OPCML: variants seen among roughly 807,000 people sequenced by gnomAD.
The protein encoded by OPCML is opioid binding protein/cell adhesion molecule like, also known as opioid-binding protein/cell adhesion molecule.
In OPCML, 13 loss-of-function variants were observed where a neutral mutation model predicts 37.8. That is an observed-to-expected ratio of 0.34 (90% CI 0.22 to 0.55). The LOEUF (loss-of-function observed/expected upper bound fraction) is 0.55. Among genes scored for constraint, OPCML ranks in the 20% least tolerant of loss-of-function variants. The pLI is 0.91. For missense variants in OPCML, 341 were observed against 435.6 expected (o/e 0.78, Z 1.93); for synonymous variants, 176 against 168.8 (o/e 1.04, Z -0.33).
intron 1 of OPCML, among the ~76,000 whole-genome samples, chr11:133,321,712 T>C (rs1943334322): frequency 1.3e-5 from 2 of 152,186 alleles, no homozygotes; most frequent in South Asian, 2.1e-4. Flanking sequence ...TTAATGCACA[T>C]TAGCTATTGA....
chr11:132,499,832 C>A (rs991050522), intron 4 of OPCML, among the ~76,000 whole-genome samples: 1 of 152,206 alleles, frequency 6.6e-6, no homozygotes. Context: ...AGGAAGTTAA[C>A]ATCACGGTAT....
chr11:133,229,608 G>T (rs1056005514), intron 1 of OPCML, among the ~76,000 whole-genome samples: 1 of 151,796 alleles, frequency 6.6e-6, no homozygotes, highest in Admixed American at 6.6e-5. Flanking sequence ...AAAAAAAATT[G>T]TATGCTGAGG....
At chr11:132,908,617 G>A (rs77222621) in intron 2 of OPCML, among the ~76,000 whole-genome samples, 2,321 of 152,266 alleles carry the variant, frequency 0.015, 72 homozygotes, top group African/African-American at 0.053. Flanking sequence ...TTGGACAACA[G>A]TGTGGTCACC....
chr11:132,995,278 A>G (rs909735006), intron 1 of OPCML, among the ~76,000 whole-genome samples: 3 of 152,200 alleles, frequency 2.0e-5, no homozygotes, highest in Admixed American at 6.5e-5. Flanking sequence ...ACCCAAATGA[A>G]CTGTGCTGTG....
intron 2 of OPCML, among the ~76,000 whole-genome samples, chr11:132,667,958 G>A (rs572597112): frequency 3.3e-5 from 5 of 152,298 alleles, no homozygotes; most frequent in South Asian, 2.1e-4. Flanking sequence ...GGTTTATCCC[G>A]TGTTGGAGTA....
intron 1 of OPCML, among the ~76,000 whole-genome samples, chr11:133,488,022 ATAT>A (rs1947567725): frequency 6.6e-6 from 1 of 152,170 alleles, no homozygotes; most frequent in Non-Finnish European, 1.5e-5. Context: ...GATAAAAATC[ATAT>A]TATCATTTCA....
intron 1 of OPCML, among the ~76,000 whole-genome samples, chr11:133,491,099 A>G (rs971282362): frequency 3.9e-5 from 6 of 152,184 alleles, no homozygotes; most frequent in Admixed American, 6.5e-5. Flanking sequence ...GTGAAATTCT[A>G]TGGGAAAGTT....
intron 3 of OPCML, among the ~76,000 whole-genome samples, chr11:132,547,163 C>G (rs555520908): frequency 7.2e-5 from 11 of 152,290 alleles, no homozygotes; most frequent in Non-Finnish European, 1.3e-4. Context: ...AGCAGGCACT[C>G]ACTTTATTTG....
chr11:133,201,839 C>G (rs763161314), intron 1 of OPCML, among the ~76,000 whole-genome samples: 30 of 152,174 alleles, frequency 2.0e-4, no homozygotes, highest in Non-Finnish European at 4.0e-4. Context: ...CACCGCCTCT[C>G]CAAACTTATC....
At chr11:132,552,493 T>TG (rs2096384039) in intron 3 of OPCML, among the ~76,000 whole-genome samples, 1 of 152,198 alleles carries the variant, frequency 6.6e-6, no homozygotes, top group Non-Finnish European at 1.5e-5. Flanking sequence ...GTTCTGTTGT[T>TG]ATTGTTTGTT....
chr11:133,457,605 T>C (rs1278161945), intron 1 of OPCML, among the ~76,000 whole-genome samples: 2 of 152,126 alleles, frequency 1.3e-5, no homozygotes, highest in Non-Finnish European at 1.5e-5. Flanking sequence ...AAAGCATATA[T>C]ATGCTTTAAG....
At chr11:133,273,717 T>C (rs1941914679) in intron 1 of OPCML, among the ~76,000 whole-genome samples, 1 of 152,164 alleles carries the variant, frequency 6.6e-6, no homozygotes, top group Admixed American at 6.5e-5. Flanking sequence ...GGAGCCCTCT[T>C]TCCTAAAATG....
At chr11:132,938,628 G>C (rs144354793) in intron 2 of OPCML, among the ~76,000 whole-genome samples, 2 of 152,088 alleles carry the variant, frequency 1.3e-5, no homozygotes, top group South Asian at 4.1e-4. Context: ...GTTCCTGTAT[G>C]TACACAATTC....
chr11:132,440,404 G>C (rs1386724179), intron 4 of OPCML, among the ~76,000 whole-genome samples: 2 of 151,800 alleles, frequency 1.3e-5, no homozygotes, highest in Non-Finnish European at 2.9e-5. Context: ...CCACGTTTCT[G>C]ACACATGCCC....
chr11:133,396,018 T>C (rs1592262867), intron 1 of OPCML, among the ~76,000 whole-genome samples: 1 of 152,230 alleles, frequency 6.6e-6, no homozygotes, highest in Admixed American at 6.5e-5. Context: ...CCTATGAACA[T>C]GGAATATGCT....
At chr11:132,732,016 G>A (rs1375251109) in intron 2 of OPCML, among the ~76,000 whole-genome samples, 1 of 152,066 alleles carries the variant, frequency 6.6e-6, no homozygotes, top group African/African-American at 2.4e-5. Context: ...AATTATGCAT[G>A]GATTTAATAA....
chr11:132,774,576 A>G (rs1034899007), intron 2 of OPCML, among the ~76,000 whole-genome samples: 22 of 152,140 alleles, frequency 1.4e-4, no homozygotes, highest in African/African-American at 4.8e-4. Context: ...AAGATTCACC[A>G]TCTCAATCTC....
intron 3 of OPCML, among the ~76,000 whole-genome samples, chr11:132,599,325 G>A (rs1937664616): frequency 6.9e-6 from 1 of 143,954 alleles, no homozygotes; most frequent in South Asian, 2.4e-4. Context: ...AGGAGGAGGA[G>A]AAGAAGGAGG....
intron 3 of OPCML, among the ~76,000 whole-genome samples, chr11:132,569,099 C>T (rs993989890): frequency 2.6e-5 from 4 of 152,214 alleles, no homozygotes; most frequent in Admixed American, 2.6e-4. Context: ...TCGGGGCTGA[C>T]TATGCCCATG....
Sources: gnomAD v4.1 joint callset for allele counts (sites outside exome capture counted in the v4.1 genomes callset) on GRCh38, gnomAD v4.1.1 for gene constraint, MANE v1.5 for transcripts, NCBI Gene and HGNC (gene_info 2026-07-23, HGNC 2026-07-21) for gene names.